The following NAALADL2 variants were observed in gnomAD, a reference collection of about 807,000 sequenced individuals.
The protein encoded by NAALADL2 is inactive N-acetylated-alpha-linked acidic dipeptidase-like protein 2.
Under a neutral mutation model 87.2 loss-of-function variants are expected in NAALADL2, and 76 were observed. That is an observed-to-expected ratio of 0.87 (90% confidence interval 0.72 to 1.05). The LOEUF (loss-of-function observed/expected upper bound fraction) is 1.05, where lower values mean the gene tolerates loss of function less well. Among genes scored for constraint, NAALADL2 ranks in the 50% least tolerant of loss-of-function variants. The pLI, the probability that NAALADL2 is intolerant of heterozygous loss-of-function variation, is 0.00. For missense variants in NAALADL2, 1,089 were observed against 945.8 expected, an observed-to-expected ratio of 1.15 and a Z score of -1.99; for synonymous variants, 354 against 331.0, an observed-to-expected ratio of 1.07 and a Z score of -0.75.
intron 1 of NAALADL2, among the ~76,000 whole-genome samples, chr3:174,516,789 A>G (rs2108402470): frequency 6.6e-6 from 1 of 152,162 alleles, no homozygotes; most frequent in South Asian, 2.1e-4. Flanking sequence ...TTCACTTAAA[A>G]GAAAATTACA....
At chr3:175,717,645 C>G (rs1261650244) in intron 11 of NAALADL2, among the ~76,000 whole-genome samples, 1 of 149,782 alleles carries the variant, frequency 6.7e-6, no homozygotes, top group South Asian at 2.1e-4. Context: ...GACCCAAGAT[C>G]GTACCACTAC....
intron 1 of NAALADL2, among the ~76,000 whole-genome samples, chr3:174,522,034 A>G (rs1720333593): frequency 6.6e-6 from 1 of 151,844 alleles, no homozygotes; most frequent in African/African-American, 2.4e-5. Context: ...AGCAGTTCCA[A>G]GCTGCAGTGA....
At chr3:175,668,709 AAT>A (rs762937810) in intron 11 of NAALADL2, among the ~76,000 whole-genome samples, 1 of 152,162 alleles carries the variant, frequency 6.6e-6, no homozygotes, top group Non-Finnish European at 1.5e-5. Context: ...CCATCATAGC[AAT>A]ATCAGTATTT....
At chr3:174,753,646 C>A (rs1405925300) in intron 3 of NAALADL2, among the ~76,000 whole-genome samples, 1 of 152,068 alleles carries the variant, frequency 6.6e-6, no homozygotes. Context: ...GAATTAATGG[C>A]AGAATTGAAT....
chr3:174,746,146 G>A (rs541360640), intron 3 of NAALADL2, among the ~76,000 whole-genome samples: 12 of 152,270 alleles, frequency 7.9e-5, no homozygotes, highest in African/African-American at 2.9e-4. Flanking sequence ...AACTGTCTCT[G>A]TTTGCAGATG....
At chr3:175,147,514 T>C (rs1323336006) in intron 2 of NAALADL2, among the ~76,000 whole-genome samples, 1 of 152,170 alleles carries the variant, frequency 6.6e-6, no homozygotes, top group African/African-American at 2.4e-5. Flanking sequence ...AGGTTGATGA[T>C]ATGTTTTTGC....
chr3:175,594,127 T>A (rs1305339990), intron 10 of NAALADL2, among the ~76,000 whole-genome samples: 2 of 152,106 alleles, frequency 1.3e-5, no homozygotes, highest in Admixed American at 6.6e-5. Flanking sequence ...AGGTAGGTTT[T>A]CAACCCACGC....
At chr3:175,445,369 A>G (rs1183863702) in intron 5 of NAALADL2, among the ~76,000 whole-genome samples, 1 of 152,130 alleles carries the variant, frequency 6.6e-6, no homozygotes, top group African/African-American at 2.4e-5. Flanking sequence ...TTAATTTATA[A>G]AAATGTCACC....
chr3:175,390,523 T>C (rs1026331413), intron 5 of NAALADL2, among the ~76,000 whole-genome samples: 1 of 152,140 alleles, frequency 6.6e-6, no homozygotes, highest in Admixed American at 6.5e-5. Flanking sequence ...ATACCATCTT[T>C]AGGCTAAACA....
intron 13 of NAALADL2, among the ~76,000 whole-genome samples, chr3:175,800,040 T>TA (rs1222737634): frequency 6.6e-6 from 1 of 152,092 alleles, no homozygotes; most frequent in African/African-American, 2.4e-5. Flanking sequence ...ATTGAATATA[T>TA]AGTTTATTCC....
chr3:175,437,155 A>G (rs1189404941), intron 5 of NAALADL2, among the ~76,000 whole-genome samples: 2 of 144,808 alleles, frequency 1.4e-5, no homozygotes, highest in Non-Finnish European at 3.0e-5. Context: ...AAGATCAGAT[A>G]GTTGTAGGTA....
chr3:175,618,665 A>G (rs151243109), intron 10 of NAALADL2, among the ~76,000 whole-genome samples: 1 of 152,154 alleles, frequency 6.6e-6, no homozygotes, highest in African/African-American at 2.4e-5. Context: ...GTGACACAGG[A>G]TGGAGGGAGA....
At chr3:174,497,408 G>A (rs1718612403) in intron 1 of NAALADL2, among the ~76,000 whole-genome samples, 1 of 151,804 alleles carries the variant, frequency 6.6e-6, no homozygotes, top group Non-Finnish European at 1.5e-5. Context: ...TTAAACTCCT[G>A]GCTTGAACCC....
intron 2 of NAALADL2, among the ~76,000 whole-genome samples, chr3:174,718,840 G>GTATTAAAT (rs1731445923): frequency 1.3e-5 from 2 of 152,268 alleles, no homozygotes; most frequent in Admixed American, 6.5e-5. Flanking sequence ...TTAGGCAATA[G>GTATTAAAT]TATTAAATAA....
At chr3:175,249,143 G>C (rs536773119) in intron 3 of NAALADL2, among the ~76,000 whole-genome samples, 1 of 151,946 alleles carries the variant, frequency 6.6e-6, no homozygotes, top group Non-Finnish European at 1.5e-5. Context: ...AGTTGAGCTC[G>C]ATCAGTTTGA....
chr3:174,870,398 A>G (rs889415958), intron 1 of NAALADL2, among the ~76,000 whole-genome samples: 3 of 152,128 alleles, frequency 2.0e-5, no homozygotes, highest in South Asian at 4.1e-4. Flanking sequence ...CACTGACCAT[A>G]TAGTATGAAT....
chr3:174,917,141 A>G (rs1245568537), intron 1 of NAALADL2, among the ~76,000 whole-genome samples: 1 of 152,118 alleles, frequency 6.6e-6, no homozygotes, highest in African/African-American at 2.4e-5. Context: ...GTGTAAATTA[A>G]TAACAGTCTA....
intron 13 of NAALADL2, among the ~76,000 whole-genome samples, chr3:175,771,214 C>A (rs1749443023): frequency 6.6e-6 from 1 of 152,058 alleles, no homozygotes; most frequent in African/African-American, 2.4e-5. Flanking sequence ...TTTTCCAAAG[C>A]CAAATTGTTA....
intron 3 of NAALADL2, among the ~76,000 whole-genome samples, chr3:174,813,687 T>C (rs1270551550): frequency 6.6e-6 from 1 of 152,182 alleles, no homozygotes. Context: ...AAAGTTTTGC[T>C]ATGTTGCCCA....
Sources: gnomAD v4.1 joint callset for allele counts (sites outside exome capture counted in the v4.1 genomes callset) on GRCh38, gnomAD v4.1.1 for gene constraint, MANE v1.5 for transcripts, NCBI Gene and HGNC (gene_info 2026-07-23, HGNC 2026-07-21) for gene names.